RYR3: variants seen among roughly 807,000 people sequenced by gnomAD.
The protein encoded by RYR3 is brain ryanodine receptor-calcium release channel.
Under a neutral mutation model 584.3 loss-of-function variants are expected in RYR3, and 207 were observed. That is an observed-to-expected ratio of 0.35 (90% confidence interval 0.32 to 0.40). The LOEUF is 0.40. RYR3 is among the 10% of genes least tolerant of loss of function. RYR3 has a pLI of 1.00. For missense variants in RYR3, 5,616 were observed against 6,089.2 expected (o/e 0.92, Z 2.59); for synonymous variants, 2,416 against 2,248.5 (o/e 1.07, Z -2.11).
chr15:33,750,097 G>GT, intron 56 of RYR3, 43 bp downstream of exon 56: 2 of 1,607,368 alleles, frequency 1.2e-6, no homozygotes, highest in Non-Finnish European at 1.7e-6. Context: ...CTGAACCGGG[G>GT]CAGCTATGGT....
chr15:33,588,876 G>A (rs72709277), intron 16 of RYR3, among the ~76,000 whole-genome samples: 38,019 of 151,870 alleles, frequency 0.25, 5,852 homozygotes, highest in Non-Finnish European at 0.35. Context: ...ATGTACGTTC[G>A]TTCCATGTCT....
At position 33,315,837 on chromosome 15, in the gene RYR3, T is replaced by G. The variant is rs145316419; in HGVS notation, c.51+4741T>G. 1.3e-4 allele frequency among the ~76,000 whole-genome samples: 20 copies of G among 152,352 alleles called. No homozygotes were observed. The East Asian group carries it at 3.9e-3, about 29-fold the overall frequency. ...ATGTCCAGGGTTGTCCTAAGGATTTTAAGCTGCTGATCTCCTGGGAAGGAG... is the reference window on the plus strand; with the variant it reads ...ATGTCCAGGGTTGTCCTAAGGATTTGAAGCTGCTGATCTCCTGGGAAGGAG... On this transcript the variant is annotated intron_variant, in intron 1 of 103. Transcript: ENST00000634891.
chr15:33,617,926 T>C (rs2060532465), intron 19 of RYR3, among the ~76,000 whole-genome samples: 1 of 152,206 alleles, frequency 6.6e-6, no homozygotes, highest in Non-Finnish European at 1.5e-5. Flanking sequence ...CAATGTGGTT[T>C]GTTTATAGAC....
At chr15:33,692,514 C>G (rs147267414) in intron 38 of RYR3, among the ~76,000 whole-genome samples, 50 of 152,226 alleles carry the variant, frequency 3.3e-4, no homozygotes, top group Admixed American at 5.9e-4. Flanking sequence ...GAAACATTTT[C>G]CAGTACATAT....
rs141502287 is a variant in RYR3 at position 33,518,458 on chromosome 15, C to A, written c.280-12134C>A. On this transcript the variant is annotated intron_variant, in intron 3 of 103. Coordinates refer to ENST00000634891, the MANE Select transcript of RYR3 (RefSeq NM_001036.6). ...CCATACTTGGTGTTTTTGAGCTGGC[C>A]GCTCCCCCTCCTCTCGCAGGAGCTC... Among the ~76,000 whole-genome samples the A allele has an allele frequency of 3.3e-3, 503 of 151,998 alleles. 1 individual carries two copies. Among genetic ancestry groups the A allele is most frequent in the African/African-American group, 0.012 (479 of 41,426 alleles).
intron 1 of RYR3, among the ~76,000 whole-genome samples, chr15:33,431,814 G>A (rs1028898844): frequency 1.3e-5 from 2 of 152,218 alleles, no homozygotes; most frequent in South Asian, 2.1e-4. Context: ...TCTTTGAAAT[G>A]CCAAAAAAGT....
chr15:33,531,620 C>T (rs1051371488), intron 4 of RYR3, among the ~76,000 whole-genome samples: 1 of 150,182 alleles, frequency 6.7e-6, no homozygotes, highest in Non-Finnish European at 1.5e-5. Context: ...TTAAATAATT[C>T]ATTTGCTGCA....
chr15:33,408,168 C>G (rs550052494), intron 1 of RYR3, among the ~76,000 whole-genome samples: 22 of 152,252 alleles, frequency 1.4e-4, no homozygotes, highest in Non-Finnish European at 2.4e-4. Flanking sequence ...TCCCGCACCC[C>G]CTTTGCAGTC....
intron 3 of RYR3, among the ~76,000 whole-genome samples, chr15:33,513,728 AG>A (rs1225734214): frequency 6.6e-6 from 1 of 152,134 alleles, no homozygotes; most frequent in African/African-American, 2.4e-5. Context: ...TGGACTAGGC[AG>A]GGGGTGGACA....
At chr15:33,400,826 A>G (rs1419847592) in intron 1 of RYR3, among the ~76,000 whole-genome samples, 1 of 152,194 alleles carries the variant, frequency 6.6e-6, no homozygotes, top group Non-Finnish European at 1.5e-5. Context: ...GACTTGAACA[A>G]GAAAAACACT....
At chr15:33,509,927 A>C (rs867643294) in intron 3 of RYR3, among the ~76,000 whole-genome samples, 1 of 152,052 alleles carries the variant, frequency 6.6e-6, no homozygotes, top group African/African-American at 2.4e-5. Context: ...GCTTGACTTG[A>C]CTCTGCTTTT....
chr15:33,766,288 GAA>G (rs66478931), intron 60 of RYR3, among the ~76,000 whole-genome samples: 10 of 134,056 alleles, frequency 7.5e-5, no homozygotes, highest in Admixed American at 3.1e-4. Flanking sequence ...ACCTCAAAAA[GAA>G]AAAAAAAAAA....
At chr15:33,475,408 C>G (rs111628223) in intron 2 of RYR3, among the ~76,000 whole-genome samples, 6,572 of 152,220 alleles carry the variant, frequency 0.043, 183 homozygotes, top group African/African-American at 0.078. Context: ...GAAACTGTTC[C>G]ACCTCAGATC....
intron 32 of RYR3, among the ~76,000 whole-genome samples, chr15:33,654,415 TAA>T (rs1223539396): frequency 1.3e-5 from 2 of 151,678 alleles, no homozygotes; most frequent in Admixed American, 1.3e-4. Context: ...CTCAGGAGGC[TAA>T]GAGACTCACT....
In RYR3 at chr15:33,669,470, A is replaced by G; in HGVS notation, c.5722+14A>G. ...TCCTTCACTGTGGTAAGCTGCCCAGAGAAAGGCTTTGTCCTTTTTTTACAA... is the reference window on the plus strand; with the variant it reads ...TCCTTCACTGTGGTAAGCTGCCCAGGGAAAGGCTTTGTCCTTTTTTTACAA... On this transcript the variant is annotated intron_variant, in intron 37 of 103. Coordinates refer to ENST00000634891, the MANE Select transcript of RYR3 (RefSeq NM_001036.6). The G allele has an allele frequency of 6.2e-7, 1 of 1,608,792 alleles. No homozygotes were observed. The highest frequency in any genetic ancestry group is 1.3e-5 in the African/African-American group (1 of 74,966).
intron 14 of RYR3, among the ~76,000 whole-genome samples, chr15:33,583,491 C>T (rs138925057): frequency 0.014 from 2,066 of 152,276 alleles, 25 homozygotes; most frequent in Middle Eastern, 0.024. Context: ...GTCTCCATTG[C>T]CTACTTGATG....
At chr15:33,434,663 A>G (rs187625256) in intron 1 of RYR3, among the ~76,000 whole-genome samples, 3 of 152,182 alleles carry the variant, frequency 2.0e-5, no homozygotes, top group Non-Finnish European at 4.4e-5. Flanking sequence ...CTAAAGTAAC[A>G]GGGTATTACC....
chr15:33,498,889 A>T (rs750176820), intron 2 of RYR3, among the ~76,000 whole-genome samples: 4 of 152,068 alleles, frequency 2.6e-5, no homozygotes, highest in African/African-American at 9.7e-5. Flanking sequence ...ATTCTTCAGC[A>T]TATGCACGTT....
At chr15:33,488,687 C>A (rs2050704582) in intron 2 of RYR3, among the ~76,000 whole-genome samples, 1 of 151,974 alleles carries the variant, frequency 6.6e-6, no homozygotes, top group Non-Finnish European at 1.5e-5. Context: ...CCCGTCTCTA[C>A]TAAAAATACA....
Sources: allele counts gnomAD v4.1 joint callset (sites outside exome capture counted in the v4.1 genomes callset), GRCh38; gene constraint gnomAD v4.1.1; transcripts MANE v1.5; gene names NCBI Gene and HGNC (gene_info 2026-07-23, HGNC 2026-07-21).